Variants in SCML4 observed in about 807,000 individuals in gnomAD.
The protein encoded by SCML4 is sex comb on midleg-like protein 4.
A neutral mutation model predicts 41.1 loss-of-function variants in SCML4; 34 were observed. The ratio of observed to expected loss-of-function variants is 0.83; its 90% confidence interval spans 0.63 to 1.10. The LOEUF is 1.10. SCML4 is among the 50% of genes least tolerant of loss of function. The pLI is 0.00. For missense variants in SCML4, 522 were observed against 534.1 expected (o/e 0.98, Z 0.22); for synonymous variants, 214 against 220.9 (o/e 0.97, Z 0.28).
chr6:107,716,879 G>C (rs2114383486), intron 6 of SCML4, among the ~76,000 whole-genome samples: 2 of 152,174 alleles, frequency 1.3e-5, no homozygotes, highest in South Asian at 4.1e-4. Flanking sequence ...AGAGACACTG[G>C]TGCTATCCTT....
chr6:107,741,701 G>T (rs1192044150), intron 5 of SCML4, among the ~76,000 whole-genome samples: 2 of 152,220 alleles, frequency 1.3e-5, no homozygotes, highest in African/African-American at 4.8e-5. Context: ...TTTGGAAAGG[G>T]CAATGCTTCA....
chr6:107,829,124 C>A (rs530415126), upstream of SCML4, among the ~76,000 whole-genome samples: 6 of 152,244 alleles, frequency 3.9e-5, no homozygotes, highest in South Asian at 1.2e-3. Flanking sequence ...AGTAATGATT[C>A]TTCCCAGCAC....
intron 1 of SCML4, among the ~76,000 whole-genome samples, chr6:107,822,943 G>C (rs1785054404): frequency 6.6e-6 from 1 of 150,790 alleles, no homozygotes; most frequent in African/African-American, 2.4e-5. Flanking sequence ...ATACCCCCCA[G>C]ATAGTTTAAC....
chr6:107,830,596 T>C, the SCML4 span, among the ~76,000 whole-genome samples: 6,496 of 152,272 alleles, frequency 0.043, 428 homozygotes, highest in African/African-American at 0.15. Context: ...TAGTAGGAAA[T>C]TAACAAATAA....
chr6:107,740,177 G>C (rs1420429977), intron 5 of SCML4: 1 of 470,722 alleles, frequency 2.1e-6, no homozygotes, highest in South Asian at 1.5e-5. Flanking sequence ...ATGTTAAAAG[G>C]AAACCATTTT....
the SCML4 span, among the ~76,000 whole-genome samples, chr6:107,842,841 G>A: frequency 6.6e-6 from 1 of 152,054 alleles, no homozygotes; most frequent in Non-Finnish European, 1.5e-5. Flanking sequence ...TGTTAGGTAT[G>A]TACACACTTG....
At chr6:107,765,223 T>C (rs1779936512) in intron 2 of SCML4, among the ~76,000 whole-genome samples, 1 of 152,086 alleles carries the variant, frequency 6.6e-6, no homozygotes, top group East Asian at 1.9e-4. Flanking sequence ...GGGGTCAAGT[T>C]CTGTGCATCA....
upstream of SCML4, among the ~76,000 whole-genome samples, chr6:107,825,055 T>G (rs1785200618): frequency 6.6e-6 from 1 of 152,220 alleles, no homozygotes; most frequent in South Asian, 2.1e-4. Flanking sequence ...CTGCACAGGA[T>G]AGAAACAGGG....
At chr6:107,731,492 C>T (rs889393564) in intron 5 of SCML4, among the ~76,000 whole-genome samples, 1 of 152,212 alleles carries the variant, frequency 6.6e-6, no homozygotes. Flanking sequence ...TCTCTCACCC[C>T]CCACTTCCCG....
chr6:107,715,496 T>G (rs1053303541), intron 6 of SCML4, among the ~76,000 whole-genome samples: 1 of 151,754 alleles, frequency 6.6e-6, no homozygotes, highest in Non-Finnish European at 1.5e-5. Context: ...TGGACCTAGT[T>G]GTGGTTGGGA....
chr6:107,749,738 T>C lies in SCML4; in HGVS notation c.232A>G (p.Ile78Val). ...GGGACCGTGGCTGCGTCCTGAGGGA[T>C]GGAGCTGAGGTCGGGCTCTGGGGTA... The part of the protein sequence containing the change: ...RSTPEPDLSS[I>V]PQDAATVPSL... The change falls in exon 3 of 8, where the codon ATC becomes GTC. Residue 78 changes from isoleucine to valine, a missense_variant. Ile to Val is a conservative substitution (Grantham distance 29). Coordinates refer to ENST00000369020, the MANE Select transcript of SCML4 (RefSeq NM_198081.5). 6.2e-7 allele frequency: 1 copy of C among 1,613,934 alleles called. No individual in the cohort carries two copies. Among genetic ancestry groups the C allele is most frequent in the Non-Finnish European group, 8.5e-7 (1 of 1,179,938 alleles).
chr6:107,782,484 G>A (rs570560532), intron 1 of SCML4, among the ~76,000 whole-genome samples: 1 of 152,232 alleles, frequency 6.6e-6, no homozygotes, highest in Admixed American at 6.5e-5. Context: ...ACATTAACAG[G>A]CCTTACCCGG....
At chr6:107,800,976 T>C (rs1041942749) in intron 1 of SCML4, among the ~76,000 whole-genome samples, 1 of 152,246 alleles carries the variant, frequency 6.6e-6, no homozygotes, top group Admixed American at 6.5e-5. Context: ...ATCTTAACCT[T>C]GCAGGGGCTC....
chr6:107,815,730 C>A (rs1784512644), intron 1 of SCML4, among the ~76,000 whole-genome samples: 1 of 152,170 alleles, frequency 6.6e-6, no homozygotes, highest in Admixed American at 6.5e-5. Flanking sequence ...CTTTATATTT[C>A]AGTTATGACA....
intron 2 of SCML4, among the ~76,000 whole-genome samples, chr6:107,765,790 G>A (rs1416225348): frequency 6.6e-6 from 1 of 152,114 alleles, no homozygotes; most frequent in Non-Finnish European, 1.5e-5. Context: ...GAATTCATTG[G>A]TGGCTCAATA....
chr6:107,758,715 A>C (rs2114533000), intron 2 of SCML4, among the ~76,000 whole-genome samples: 1 of 152,176 alleles, frequency 6.6e-6, no homozygotes, highest in Non-Finnish European at 1.5e-5. Context: ...AACAGCCGGC[A>C]ACCACCAGAA....
intron 5 of SCML4, among the ~76,000 whole-genome samples, chr6:107,721,737 T>C (rs1443587264): frequency 6.6e-6 from 1 of 151,992 alleles, no homozygotes; most frequent in African/African-American, 2.4e-5. Flanking sequence ...GCCTGGGTGG[T>C]GGCCCAGGTG....
chr6:107,820,026 T>G (rs1455968220), intron 1 of SCML4, among the ~76,000 whole-genome samples: 1 of 152,198 alleles, frequency 6.6e-6, no homozygotes, highest in Non-Finnish European at 1.5e-5. Context: ...AAAGGGCTTC[T>G]CCTGATTGCT....
chr6:107,808,554 G>A (rs1783919968), intron 1 of SCML4, among the ~76,000 whole-genome samples: 1 of 152,136 alleles, frequency 6.6e-6, no homozygotes, highest in Admixed American at 6.5e-5. Flanking sequence ...TTACAAGCAT[G>A]AACCACCATG....
Sources: allele counts gnomAD v4.1 joint callset (sites outside exome capture counted in the v4.1 genomes callset), GRCh38; gene constraint gnomAD v4.1.1; transcripts MANE v1.5; gene names NCBI Gene and HGNC (gene_info 2026-07-23, HGNC 2026-07-21).